The following NUDT9 variants were observed in gnomAD, a reference collection of about 807,000 sequenced individuals.
NUDT9 encodes the protein ADP-ribose pyrophosphatase.
Under a neutral mutation model 41.0 loss-of-function variants are expected in NUDT9, and 31 were observed. The observed-to-expected ratio is 0.76, with a 90% CI of 0.57 to 1.02. NUDT9 has a LOEUF of 1.02. NUDT9 is among the 50% of genes least tolerant of loss of function. NUDT9 has a pLI of 0.00. For missense variants in NUDT9, 380 were observed against 431.4 expected (o/e 0.88, Z 1.06); for synonymous variants, 146 against 147.6 (o/e 0.99, Z 0.08).
intron 1 of NUDT9, among the ~76,000 whole-genome samples, chr4:87,434,639 CT>C (rs901633435): frequency 3.0e-4 from 42 of 141,832 alleles, no homozygotes; most frequent in African/African-American, 1.0e-3. Context: ...TTTTTTTTTG[CT>C]TTTTTTTTGA....
chr4:87,438,258 A>G lies in NUDT9; in HGVS notation c.348-19A>G, dbSNP rs750387146. The G allele has an allele frequency of 6.0e-6, 8 of 1,322,802 alleles. No homozygotes were observed. In the Admixed American group the frequency reaches 6.8e-5, roughly 11 times the overall value. 81.9% of individuals were successfully genotyped at this position (1,322,802 alleles called of 1,614,324 possible). On this transcript the variant is annotated intron_variant, in intron 2 of 7. Transcript: ENST00000302174. The stretch of plus-strand genomic sequence containing the variant: ...TTTGAATCATTATTTCTTATTTTAC[A>G]TTGGTATTCTCATTACAGTGAAAGT...
chr4:87,441,760 G>A (rs1050410750), intron 3 of NUDT9, 69 bp from the exon 4 acceptor site: 1 of 1,208,968 alleles, frequency 8.3e-7, no homozygotes, highest in African/African-American at 1.5e-5. Flanking sequence ...CTCTTCTTTT[G>A]GGTTATATCA....
chr4:87,427,437 A>G (rs1721483465), intron 1 of NUDT9, among the ~76,000 whole-genome samples: 1 of 152,236 alleles, frequency 6.6e-6, no homozygotes, highest in Admixed American at 6.5e-5. Context: ...AAGGCTGTAT[A>G]TGTGTGTATT....
At chr4:87,442,067 T>G in intron 4 of NUDT9, 152 bp downstream of exon 4, 1 of 576,516 alleles carries the variant, frequency 1.7e-6, no homozygotes, top group East Asian at 3.0e-5. Flanking sequence ...ATGCATTGCT[T>G]AACAATGAGG....
At chr4:87,448,138 A>ATTTTTTTTTTT (rs1213818782) in intron 4 of NUDT9, among the ~76,000 whole-genome samples, 1 of 92,384 alleles carries the variant, frequency 1.1e-5, no homozygotes, top group Admixed American at 1.3e-4. Flanking sequence ...TTAAAAGCAA[A>ATTTTTTTTTTT]TTTTTTTTTT....
intron 3 of NUDT9, among the ~76,000 whole-genome samples, chr4:87,439,298 G>C (rs1378550178): frequency 6.6e-6 from 1 of 152,084 alleles, no homozygotes; most frequent in Non-Finnish European, 1.5e-5. Context: ...AGAAGCAAAG[G>C]TACATCTTAC....
At chr4:87,436,233 T>G (rs1023909460) in intron 2 of NUDT9, among the ~76,000 whole-genome samples, 2 of 152,240 alleles carry the variant, frequency 1.3e-5, no homozygotes, top group African/African-American at 4.8e-5. Context: ...TATTATTAAC[T>G]GTAGTCACCA....
intron 4 of NUDT9, among the ~76,000 whole-genome samples, chr4:87,447,244 T>G (rs1722499601): frequency 6.6e-6 from 1 of 152,200 alleles, no homozygotes; most frequent in South Asian, 2.1e-4. Flanking sequence ...CCTCTTGTAC[T>G]AATTATTATT....
chr4:87,458,766 G>A lies in NUDT9; in HGVS notation c.*745G>A, dbSNP rs1723093960. 6.6e-6 allele frequency: 1 copy of A among 152,202 alleles called. No homozygotes were observed. Among genetic ancestry groups the A allele is most frequent in the Admixed American group, 6.5e-5 (1 of 15,278 alleles). 9.4% of individuals were successfully genotyped at this position (152,202 alleles called of 1,614,324 possible). A position where few individuals can be genotyped will look rare whatever the true frequency, so the allele number is the denominator to read the frequency against. On this transcript the variant is annotated 3_prime_UTR_variant, in exon 8 of 8. Coordinates refer to ENST00000302174, the MANE Select transcript of NUDT9 (RefSeq NM_024047.5). Reference sequence around the variant, plus strand: ...TGTTGTAAATTAGTTAAAAATGGATGTTCAGAAAAGAATTGAAATCAGGAC... The same window carrying A: ...TGTTGTAAATTAGTTAAAAATGGATATTCAGAAAAGAATTGAAATCAGGAC...
At chr4:87,450,290 TG>T (rs1373944316) in intron 5 of NUDT9, among the ~76,000 whole-genome samples, 16 of 152,140 alleles carry the variant, frequency 1.1e-4, no homozygotes, top group African/African-American at 2.9e-4. Context: ...TCTGCAAGAA[TG>T]TTTTTTTCTG....
At chr4:87,437,496 ATG>A (rs1721999497) in intron 2 of NUDT9, among the ~76,000 whole-genome samples, 1 of 151,264 alleles carries the variant, frequency 6.6e-6, no homozygotes, top group Admixed American at 6.6e-5. Context: ...GCCCACCACC[ATG>A]CCCAGCTAAT....
At chr4:87,454,550 T>A in intron 7 of NUDT9, 95 bp downstream of exon 7, 1 of 801,558 alleles carries the variant, frequency 1.2e-6, no homozygotes, top group Non-Finnish European at 2.1e-6. Flanking sequence ...TTTAGCATCT[T>A]AAACCAATTA....
intron 7 of NUDT9, among the ~76,000 whole-genome samples, chr4:87,456,148 G>A (rs1369471511): frequency 6.6e-6 from 1 of 152,130 alleles, no homozygotes; most frequent in African/African-American, 2.4e-5. Context: ...TATTAAATGA[G>A]GTCTGAAGCA....
At chr4:87,425,107 G>C (rs1477583240) in intron 1 of NUDT9, among the ~76,000 whole-genome samples, 1 of 152,066 alleles carries the variant, frequency 6.6e-6, no homozygotes, top group Non-Finnish European at 1.5e-5. Context: ...TGTAATCCCA[G>C]TGCTTTGGAA....
chr4:87,429,075 A>G (rs894940095), intron 1 of NUDT9, among the ~76,000 whole-genome samples: 4 of 152,186 alleles, frequency 2.6e-5, no homozygotes, highest in African/African-American at 9.6e-5. Flanking sequence ...TGTTTACACT[A>G]TATACACCGA....
intron 1 of NUDT9, chr4:87,434,280 G>C (rs1218231232): frequency 6.6e-6 from 1 of 152,102 alleles, no homozygotes; most frequent in Non-Finnish European, 1.5e-5. Context: ...CTGACCTCAA[G>C]TGATCTGCCC....
At chr4:87,441,682 C>T (rs1722206921) in intron 3 of NUDT9, 147 bp from the exon 4 acceptor site, 2 of 699,990 alleles carry the variant, frequency 2.9e-6, no homozygotes, top group Admixed American at 2.4e-5. Flanking sequence ...AAATACATGA[C>T]TTCAGCACCA....
rs1390282025 is a variant in NUDT9 at position 87,449,224 on chromosome 4, A to T, written c.613A>T (p.Lys205Ter). ...CTTACAATTTGTTGCAATAAAAAGG[A>T]AAGACTGTGGAGAATGGGCAATCCC... ...HILQFVAIKR[K>*]DCGEWAIPGG... Residue 205 changes from lysine (K) to a stop codon, truncating the protein, a stop_gained, in exon 5 of 8, where the codon AAA becomes TAA. Coordinates refer to ENST00000302174, the MANE Select transcript of NUDT9 (RefSeq NM_024047.5). LOFTEE classifies it high-confidence loss of function. 6.2e-7 allele frequency: 1 copy of T among 1,607,470 alleles called. No homozygotes were observed. The highest frequency in any genetic ancestry group is 8.5e-7 in the Non-Finnish European group (1 of 1,174,234).
At chr4:87,456,820 A>T (rs1169988953) in intron 7 of NUDT9, among the ~76,000 whole-genome samples, 1 of 152,204 alleles carries the variant, frequency 6.6e-6, no homozygotes, top group East Asian at 1.9e-4. Flanking sequence ...AATCCCAGGT[A>T]CTCGGGGGGC....
Sources: allele counts gnomAD v4.1 joint callset (sites outside exome capture counted in the v4.1 genomes callset), GRCh38; gene constraint gnomAD v4.1.1; transcripts MANE v1.5; gene names NCBI Gene and HGNC (gene_info 2026-07-23, HGNC 2026-07-21).